The following ANKRD12 variants were observed in gnomAD, a reference collection of about 807,000 sequenced individuals.
The protein encoded by ANKRD12 is ankyrin repeat domain 12.
A neutral mutation model predicts 183.4 loss-of-function variants in ANKRD12; 85 were observed. The ratio of observed to expected loss-of-function variants is 0.46; its 90% CI spans 0.39 to 0.56. The LOEUF (loss-of-function observed/expected upper bound fraction) is 0.56. Ranked by LOEUF, ANKRD12 falls within the 20% of genes least tolerant of loss-of-function variation. The pLI, the probability that ANKRD12 is intolerant of heterozygous loss-of-function variation, is 0.00. For missense variants in ANKRD12, 2,405 were observed against 2,357.1 expected, an observed-to-expected ratio of 1.02 and a Z score of -0.42; for synonymous variants, 914 against 800.2, an observed-to-expected ratio of 1.14 and a Z score of -2.40.
In ANKRD12 at chr18:9,284,762, A is replaced by G. The variant is rs1241053552; in HGVS notation, c.*3636A>G. On this transcript the variant is annotated 3_prime_UTR_variant, in exon 13 of 13. Coordinates refer to ENST00000262126, the MANE Select transcript of ANKRD12 (RefSeq NM_015208.5). ...AACTGAGGCAAATTAAAACAATTCC[A>G]TTAATCAAAATGGCTTTAAACAAAT... The G allele has an allele frequency of 2.6e-5, 4 of 152,220 alleles. No homozygotes were observed. Among genetic ancestry groups the G allele is most frequent in the Non-Finnish European group, 5.9e-5 (4 of 68,034 alleles). 9.4% of individuals were successfully genotyped at this position (152,220 alleles called of 1,614,324 possible). A position where few individuals can be genotyped will look rare whatever the true frequency, so the allele number is the denominator to read the frequency against.
At position 9,141,939 on chromosome 18, in the gene ANKRD12, T is replaced by G. The variant is rs190566936; in HGVS notation, c.-52+4974T>G. The stretch of plus-strand genomic sequence containing the variant: ...AATAGTGGGTTTTTTGTTTGTTTGT[T>G]TTTGTTTTGTTTCACTATGTTGCTC... On this transcript the variant is annotated intron_variant, in intron 1 of 12. Coordinates refer to ENST00000262126, the MANE Select transcript of ANKRD12 (RefSeq NM_015208.5). 9.8e-4 allele frequency among the ~76,000 whole-genome samples: 150 copies of G among 152,290 alleles called. 2 individuals are homozygous for G. Among genetic ancestry groups the G allele is most frequent in the African/African-American group, 3.4e-3 (142 of 41,566 alleles).
chr18:9,247,132 A>AATTT (rs765758744), intron 8 of ANKRD12, among the ~76,000 whole-genome samples: 1 of 151,076 alleles, frequency 6.6e-6, no homozygotes, highest in Non-Finnish European at 1.5e-5. Context: ...GATGCTGAAA[A>AATTT]TGAAATAATG....
chr18:9,246,752 G>A (rs181152027), intron 8 of ANKRD12, among the ~76,000 whole-genome samples: 380 of 152,156 alleles, frequency 2.5e-3, no homozygotes, highest in African/African-American at 8.4e-3. Flanking sequence ...TCTCTTTTTT[G>A]TAGGCAGTGA....
intron 9 of ANKRD12, among the ~76,000 whole-genome samples, chr18:9,263,350 C>T (rs2039093457): frequency 6.6e-6 from 1 of 152,188 alleles, no homozygotes; most frequent in Non-Finnish European, 1.5e-5. Context: ...TTAAATGTAA[C>T]ACTCAGGACT....
chr18:9,176,921 T>A (rs1174335854), intron 1 of ANKRD12, among the ~76,000 whole-genome samples: 1 of 152,218 alleles, frequency 6.6e-6, no homozygotes, highest in Non-Finnish European at 1.5e-5. Flanking sequence ...AAAACTGTCT[T>A]ATAGCATACA....
chr18:9,277,373 G>C (rs2039896347), intron 11 of ANKRD12, among the ~76,000 whole-genome samples: 2 of 146,430 alleles, frequency 1.4e-5, no homozygotes, highest in South Asian at 2.2e-4. Context: ...TGTCGCCCAG[G>C]CTGGAGTGCA....
chr18:9,191,111 T>C (rs1467400564), intron 2 of ANKRD12, among the ~76,000 whole-genome samples: 1 of 152,252 alleles, frequency 6.6e-6, no homozygotes, highest in Non-Finnish European at 1.5e-5. Flanking sequence ...ATTCTTACCA[T>C]TGATGCTTTC....
At chr18:9,221,581 A>G (rs1164054736) in intron 7 of ANKRD12, among the ~76,000 whole-genome samples, 1 of 152,204 alleles carries the variant, frequency 6.6e-6, no homozygotes. Flanking sequence ...TTATGATGGA[A>G]CAGGATGAAA....
chr18:9,145,928 A>G (rs950752998), intron 1 of ANKRD12, among the ~76,000 whole-genome samples: 1 of 152,248 alleles, frequency 6.6e-6, no homozygotes, highest in African/African-American at 2.4e-5. Context: ...AAGAAGAGGT[A>G]ATTACCTAAA....
chr18:9,196,189 TACACACACACACACAC>T (rs34220366), intron 3 of ANKRD12, among the ~76,000 whole-genome samples: 1 of 51,616 alleles, frequency 1.9e-5, no homozygotes, highest in African/African-American at 6.6e-5. Flanking sequence ...ATAGAATTTT[TACACACACACACACAC>T]ACACACACAC....
At chr18:9,139,380 T>C (rs181115942) in intron 1 of ANKRD12, among the ~76,000 whole-genome samples, 51 of 152,306 alleles carry the variant, frequency 3.3e-4, no homozygotes, top group African/African-American at 1.2e-3. Context: ...TTGAAGTAGA[T>C]TGGAGAAATG....
At chr18:9,266,071 G>A (rs1194537868) in intron 10 of ANKRD12, among the ~76,000 whole-genome samples, 4 of 152,144 alleles carry the variant, frequency 2.6e-5, no homozygotes, top group African/African-American at 9.7e-5. Context: ...AGAGAAAAAA[G>A]AATAAAAAGA....
intron 1 of ANKRD12, among the ~76,000 whole-genome samples, chr18:9,151,942 G>A (rs1301494359): frequency 1.3e-5 from 2 of 152,140 alleles, no homozygotes; most frequent in African/African-American, 4.8e-5. Flanking sequence ...TAGGCCAGGT[G>A]CATTGGTTCA....
intron 1 of ANKRD12, among the ~76,000 whole-genome samples, chr18:9,170,626 C>G (rs2032608836): frequency 6.6e-6 from 1 of 151,918 alleles, no homozygotes; most frequent in African/African-American, 2.4e-5. Context: ...TTTTTCAAAG[C>G]TTTTAACTTC....
chr18:9,146,634 A>G (rs1034418409), intron 1 of ANKRD12, among the ~76,000 whole-genome samples: 4 of 152,240 alleles, frequency 2.6e-5, no homozygotes, highest in African/African-American at 9.6e-5. Flanking sequence ...ATTAGAATAC[A>G]GTGAAATTAC....
intron 8 of ANKRD12, among the ~76,000 whole-genome samples, chr18:9,245,827 T>C (rs1286596458): frequency 3.9e-5 from 6 of 152,176 alleles, no homozygotes; most frequent in Non-Finnish European, 7.4e-5. Context: ...GTAGAAGATA[T>C]TCAGATACTT....
chr18:9,258,946 C>A lies in ANKRD12; in HGVS notation c.5664+15C>A. On this transcript the variant is annotated intron_variant, in intron 9 of 12. Coordinates refer to ENST00000262126, the MANE Select transcript of ANKRD12 (RefSeq NM_015208.5). ...GTATTCCCACAGTAAGTAACATCAT[C>A]ACTTGCTATACACCTGTAACACTGC... 1 of 1,587,850 alleles carries A rather than the reference C, an allele frequency of 6.3e-7. No individual in the cohort carries two copies. Among genetic ancestry groups the A allele is most frequent in the Non-Finnish European group, 8.6e-7 (1 of 1,167,024 alleles).
intron 1 of ANKRD12, among the ~76,000 whole-genome samples, chr18:9,151,742 A>C (rs867074873): frequency 7.2e-5 from 11 of 152,348 alleles, no homozygotes; most frequent in South Asian, 4.1e-4. Flanking sequence ...GAACTGAAAT[A>C]AAGTTAGGAA....
chr18:9,201,944 C>T (rs1445442450), intron 3 of ANKRD12, among the ~76,000 whole-genome samples: 1 of 151,904 alleles, frequency 6.6e-6, no homozygotes, highest in African/African-American at 2.4e-5. Flanking sequence ...TCTCCTGTCT[C>T]AGCCTCCTCA....
Sources: gnomAD v4.1 joint callset for allele counts (sites outside exome capture counted in the v4.1 genomes callset) on GRCh38, gnomAD v4.1.1 for gene constraint, MANE v1.5 for transcripts, NCBI Gene and HGNC (gene_info 2026-07-23, HGNC 2026-07-21) for gene names.